Variants in OR4F5 observed in about 807,000 individuals in gnomAD.
The protein encoded by OR4F5 is olfactory receptor family 4 subfamily F member 5.
Under a neutral mutation model 5.8 loss-of-function variants are expected in OR4F5, and 1 was observed. The observed-to-expected ratio is 0.17, with a 90% confidence interval of 0.06 to 0.82. OR4F5 has a LOEUF of 0.82. Among genes scored for constraint, OR4F5 ranks in the 40% least tolerant of loss-of-function variants. The pLI, the probability that OR4F5 is intolerant of heterozygous loss-of-function variation, is 0.72. For synonymous variants in OR4F5, 18 were observed against 63.7 expected (o/e 0.28, Z 3.42); for missense variants, 47 against 175.5 (o/e 0.27, Z 4.14).
chr1:66,328 T>TATA (rs1639939914), intron 2 of OR4F5, among the ~76,000 whole-genome samples: 1 of 60,592 alleles, frequency 1.7e-5, no homozygotes, highest in African/African-American at 5.0e-5. Flanking sequence ...ATAAATATAA[T>TATA]ATATATTTTA....
In OR4F5 at chr1:68,247, G is replaced by A. The variant is rs527989887; in HGVS notation, c.10-790G>A. Among the ~76,000 whole-genome samples the A allele has an allele frequency of 8.5e-4, 88 of 103,402 alleles. 3 individuals carry two copies. Among genetic ancestry groups the A allele is most frequent in the African/African-American group, 2.3e-3 (82 of 35,296 alleles). 67.8% of individuals were successfully genotyped at this position (103,402 alleles called of 152,430 possible). On this transcript the variant is annotated intron_variant, in intron 2 of 2. Transcript: ENST00000641515. ...TCTTAACTACTTTAATACGTTGCTC[G>A]ATGGGATCTTACAGGTCTTCATTCA...
intron 2 of OR4F5, among the ~76,000 whole-genome samples, chr1:66,218 AAT>A (rs1387912343): frequency 1.6e-5 from 1 of 63,266 alleles, no homozygotes; most frequent in Non-Finnish European, 3.8e-5. Context: ...TTATATATAT[AAT>A]ATATATTATA....
chr1:66,715 A>G (rs574717903), intron 2 of OR4F5, among the ~76,000 whole-genome samples: 2 of 117,856 alleles, frequency 1.7e-5, no homozygotes, highest in South Asian at 4.9e-4. Flanking sequence ...GGTTGCTACA[A>G]TGAGTGTGTA....
chr1:66,733 G>A (rs1277050308), intron 2 of OR4F5, among the ~76,000 whole-genome samples: 10 of 118,120 alleles, frequency 8.5e-5, no homozygotes, highest in African/African-American at 2.7e-4. Flanking sequence ...GTAAGATTCT[G>A]AAGGACTCCT....
At chr1:66,230 A>G (rs1639935227) in intron 2 of OR4F5, among the ~76,000 whole-genome samples, 1 of 59,182 alleles carries the variant, frequency 1.7e-5, no homozygotes, top group Non-Finnish European at 4.1e-5. Flanking sequence ...TATATATTAT[A>G]TAATATATAT....
chr1:66,593 T>A (rs1412267697), intron 2 of OR4F5, among the ~76,000 whole-genome samples: 10 of 87,826 alleles, frequency 1.1e-4, no homozygotes, highest in Non-Finnish European at 2.0e-4. Context: ...ATTATATAAA[T>A]ATATTTATAT....
Position 67,313 on chromosome 1 carries a change from A to T in OR4F5, c.10-1724A>T, listed in dbSNP as rs1180989339. Among the ~76,000 whole-genome samples, 5 of 110,500 alleles carry T rather than the reference A, an allele frequency of 4.5e-5. No homozygotes were observed. The East Asian group carries it at 1.0e-3, about 22-fold the overall frequency. 72.5% of individuals were successfully genotyped at this position (110,500 alleles called of 152,430 possible). On this transcript the variant is annotated intron_variant, in intron 2 of 2. Coordinates refer to ENST00000641515, the MANE Select transcript of OR4F5 (RefSeq NM_001005484.2). Reference sequence around the variant, plus strand: ...TTCTTAAAAATATTTAAGATCACTAAATTTTTATAGGACTTTAAAAACAGT... The same window carrying T: ...TTCTTAAAAATATTTAAGATCACTATATTTTTATAGGACTTTAAAAACAGT...
In OR4F5 at chr1:66,248, TATAATATATAATATAAATATAATATAA is replaced by T. The variant is rs1269236816; in HGVS notation, c.9+678_9+704del. On this transcript the variant is annotated intron_variant, in intron 2 of 2. Coordinates refer to ENST00000641515, the MANE Select transcript of OR4F5 (RefSeq NM_001005484.2). ...ATATTATATAATATATATTATATTA[TATAATATATAATATAAATATAATATAA>T]ATTATATTATATAATATATAATATA... 1.9e-4 allele frequency among the ~76,000 whole-genome samples: 3 copies of T among 16,202 alleles called. 1 individual carries two copies. Among genetic ancestry groups the T allele is most frequent in the African/African-American group, 3.9e-4 (2 of 5,182 alleles). The allele number at this position is 16,202 out of a possible 152,430, so 10.6% of individuals were successfully genotyped here. A position where few individuals can be genotyped will look rare whatever the true frequency, so the allele number is the denominator to read the frequency against.
intron 2 of OR4F5, among the ~76,000 whole-genome samples, chr1:68,650 T>C (rs1339234046): frequency 1.0e-4 from 2 of 19,350 alleles, no homozygotes; most frequent in African/African-American, 1.8e-4. Flanking sequence ...TTATCTTTCA[T>C]TTCATTTTGG....
At position 66,235 on chromosome 1, in the gene OR4F5, ATATAT is replaced by A. The variant is rs1269475216; in HGVS notation, c.9+673_9+677del. ...ATATATATAATATATATTATATAATATATATTATATTATATAATATATAATATAAA... is the reference window on the plus strand; with the variant it reads ...ATATATATAATATATATTATATAATATATATTATATAATATATAATATAAA... On this transcript the variant is annotated intron_variant, in intron 2 of 2. Transcript: ENST00000641515. 2.9e-4 allele frequency among the ~76,000 whole-genome samples: 15 copies of A among 51,178 alleles called. 1 individual carries two copies. The highest frequency in any genetic ancestry group is 1.4e-3 in the East Asian group (5 of 3,702). The allele number at this position is 51,178 out of a possible 152,430, so 33.6% of individuals were successfully genotyped here.
rs961027229 is a variant in OR4F5 at position 68,363 on chromosome 1, C to T, written c.10-674C>T. 2.2e-4 allele frequency among the ~76,000 whole-genome samples: 23 copies of T among 106,796 alleles called. 6 individuals carry two copies. Among genetic ancestry groups the T allele is most frequent in the Non-Finnish European group, 5.1e-4 (22 of 42,870 alleles). 70.1% of individuals were successfully genotyped at this position (106,796 alleles called of 152,430 possible). The stretch of plus-strand genomic sequence containing the variant: ...TTGGCTTCATTTCCAAGCTCCCTCC[C>T]TTCCAATTCACATTGAGTCCAGAGC... On this transcript the variant is annotated intron_variant, in intron 2 of 2. Coordinates refer to ENST00000641515, the MANE Select transcript of OR4F5 (RefSeq NM_001005484.2).
rs78676975 is a variant in OR4F5 at position 67,223 on chromosome 1, C to T, written c.9+1650C>T. Among the ~76,000 whole-genome samples the T allele has an allele frequency of 4.2e-4, 50 of 118,268 alleles. 1 individual carries two copies. In the East Asian group the frequency reaches 9.4e-3, roughly 22 times the overall value. The allele number at this position is 118,268 out of a possible 152,430, so 77.6% of individuals were successfully genotyped here. ...TGATTAGTATGATTATATTTATTAC[C>T]GTGCTAAGCAGAAGAGAAATGAAGT... On this transcript the variant is annotated intron_variant, in intron 2 of 2. Transcript: ENST00000641515.
chr1:69,684 G>T lies in OR4F5; in HGVS notation c.657G>T (p.Val219=). 1 of 784,780 alleles carries T rather than the reference G, an allele frequency of 1.3e-6. No individual in the cohort carries two copies. Among genetic ancestry groups the T allele is most frequent in the Non-Finnish European group, 2.0e-6 (1 of 507,538 alleles). The allele number at this position is 784,780 out of a possible 1,614,324, so 48.6% of individuals were successfully genotyped here. A position where few individuals can be genotyped will look rare whatever the true frequency, so the allele number is the denominator to read the frequency against. The change falls in exon 3 of 3, where the codon GTG becomes GTT. Residue 219 remains valine (V), a synonymous_variant. Transcript: ENST00000641515. ...LDIMVIANSG[V]LTVCSFVLLI... is the part of the protein sequence containing the mutation. Reference sequence around the variant, plus strand: ...TTATGGTCATTGCTAACAGTGGTGTGCTCACTGTGTGTTCTTTTGTTCTTC... The same window carrying T: ...TTATGGTCATTGCTAACAGTGGTGTTCTCACTGTGTGTTCTTTTGTTCTTC...
At chr1:66,482 T>G (rs1192945651) in intron 2 of OR4F5, among the ~76,000 whole-genome samples, 4 of 24,454 alleles carry the variant, frequency 1.6e-4, no homozygotes, top group Non-Finnish European at 3.1e-4. Context: ...TATTATATAT[T>G]TATAGAATAT....
At chr1:67,136 C>A (rs1286647548) in intron 2 of OR4F5, among the ~76,000 whole-genome samples, 1 of 115,396 alleles carries the variant, frequency 8.7e-6, no homozygotes, top group Non-Finnish European at 2.1e-5. Context: ...AAGAAACAGT[C>A]CAACCAACCA....
At chr1:66,321 A>C (rs867925925) in intron 2 of OR4F5, among the ~76,000 whole-genome samples, 1 of 28,534 alleles carries the variant, frequency 3.5e-5, no homozygotes, top group African/African-American at 9.6e-5. Context: ...AAATTATATA[A>C]ATATAATATA....
intron 2 of OR4F5, among the ~76,000 whole-genome samples, chr1:66,525 TAATA>T (rs1183708556): frequency 1.2e-5 from 1 of 83,812 alleles, no homozygotes; most frequent in Non-Finnish European, 2.5e-5. Context: ...ATATATTATA[TAATA>T]TATATTATAT....
intron 2 of OR4F5, among the ~76,000 whole-genome samples, chr1:66,349 T>TATTTTATTATATA: frequency 2.1e-5 from 1 of 47,436 alleles, no homozygotes. Flanking sequence ...TTATATAATA[T>TATTTTATTATATA]AATATATATT....
chr1:66,974 TG>T (rs1314337455), intron 2 of OR4F5, among the ~76,000 whole-genome samples: 3 of 105,262 alleles, frequency 2.9e-5, no homozygotes, highest in Admixed American at 2.0e-4. Flanking sequence ...GAAAGTCTTT[TG>T]CTACAGATGA....
Sources: allele counts gnomAD v4.1 joint callset (sites outside exome capture counted in the v4.1 genomes callset), GRCh38; gene constraint gnomAD v4.1.1; transcripts MANE v1.5; gene names NCBI Gene and HGNC (gene_info 2026-07-23, HGNC 2026-07-21).